The following CNTNAP2 variants were observed in gnomAD, a reference collection of about 807,000 sequenced individuals.
CNTNAP2 encodes contactin-associated protein-like 2.
Under a neutral mutation model 155.2 loss-of-function variants are expected in CNTNAP2, and 98 were observed. The ratio of observed to expected loss-of-function variants is 0.63; its 90% CI spans 0.54 to 0.75. CNTNAP2 has a LOEUF of 0.75. Among genes scored for constraint, CNTNAP2 ranks in the 30% least tolerant of loss-of-function variants. CNTNAP2 has a pLI of 0.00. For missense variants in CNTNAP2, 1,727 were observed against 1,688.1 expected (o/e 1.02, Z -0.40); for synonymous variants, 651 against 631.2 (o/e 1.03, Z -0.47).
chr7:147,802,213 C>A (rs553412164), intron 13 of CNTNAP2, among the ~76,000 whole-genome samples: 5 of 129,380 alleles, frequency 3.9e-5, no homozygotes, highest in African/African-American at 6.2e-5. Context: ...ACATCTCAGA[C>A]GATGGGCGGC....
intron 8 of CNTNAP2, among the ~76,000 whole-genome samples, chr7:147,251,956 G>A (rs1232226724): frequency 6.6e-6 from 1 of 151,942 alleles, no homozygotes; most frequent in African/African-American, 2.4e-5. Flanking sequence ...TATGAGTTTG[G>A]GGATTAATAA....
intron 13 of CNTNAP2, among the ~76,000 whole-genome samples, chr7:147,871,930 C>T (rs1013237914): frequency 1.5e-4 from 23 of 152,148 alleles, no homozygotes; most frequent in Non-Finnish European, 2.5e-4. Flanking sequence ...GCCACTACCT[C>T]GACATGCTCC....
intron 13 of CNTNAP2, among the ~76,000 whole-genome samples, chr7:147,832,606 T>C (rs1164652345): frequency 6.8e-6 from 1 of 146,106 alleles, no homozygotes; most frequent in Non-Finnish European, 1.5e-5. Flanking sequence ...TACGTTTCAA[T>C]ATATTATATT....
At chr7:148,085,805 G>A (rs544866234) in intron 15 of CNTNAP2, among the ~76,000 whole-genome samples, 5 of 151,618 alleles carry the variant, frequency 3.3e-5, no homozygotes, top group Non-Finnish European at 5.9e-5. Context: ...CTTCAGCCTC[G>A]AACTCCTGGG....
intron 3 of CNTNAP2, among the ~76,000 whole-genome samples, chr7:146,900,334 C>T (rs1585145961): frequency 6.6e-6 from 1 of 152,160 alleles, no homozygotes; most frequent in Non-Finnish European, 1.5e-5. Flanking sequence ...TACGATCCAA[C>T]TCAAATTACT....
At chr7:148,064,242 A>T (rs1231621177) in intron 15 of CNTNAP2, among the ~76,000 whole-genome samples, 1 of 151,356 alleles carries the variant, frequency 6.6e-6, no homozygotes, top group African/African-American at 2.4e-5. Flanking sequence ...TGAATTTAGG[A>T]TTTTTTTTCT....
intron 17 of CNTNAP2, among the ~76,000 whole-genome samples, chr7:148,158,876 G>C (rs1463509033): frequency 6.6e-6 from 1 of 152,260 alleles, no homozygotes; most frequent in Middle Eastern, 3.4e-3. Context: ...GATAAGGACT[G>C]AACTAAACTT....
chr7:148,145,040 G>A (rs1805149708), intron 16 of CNTNAP2, among the ~76,000 whole-genome samples: 1 of 152,118 alleles, frequency 6.6e-6, no homozygotes, highest in Non-Finnish European at 1.5e-5. Flanking sequence ...ACATTGAGTG[G>A]CTGAGAAAAA....
intron 1 of CNTNAP2, among the ~76,000 whole-genome samples, chr7:146,682,689 G>A (rs779953046): frequency 6.6e-6 from 1 of 152,142 alleles, no homozygotes; most frequent in Non-Finnish European, 1.5e-5. Flanking sequence ...AGTTGTACTA[G>A]TAACTAAAAT....
At chr7:148,390,344 A>G (rs992575962) in intron 22 of CNTNAP2, among the ~76,000 whole-genome samples, 2 of 152,208 alleles carry the variant, frequency 1.3e-5, no homozygotes, top group African/African-American at 4.8e-5. Context: ...CGGTGGCTCC[A>G]GTGAAAGCAC....
At chr7:147,854,710 T>C (rs548315819) in intron 13 of CNTNAP2, among the ~76,000 whole-genome samples, 1 of 152,340 alleles carries the variant, frequency 6.6e-6, no homozygotes, top group African/African-American at 2.4e-5. Flanking sequence ...CATTGTGTTT[T>C]AATTAATTTA....
chr7:147,832,035 G>A (rs1265691581), intron 13 of CNTNAP2, among the ~76,000 whole-genome samples: 2 of 150,880 alleles, frequency 1.3e-5, no homozygotes, highest in East Asian at 3.9e-4. Flanking sequence ...CATTTTTTAA[G>A]GAAATATTAC....
chr7:146,824,861 T>C lies in CNTNAP2; in HGVS notation c.209-14850T>C, dbSNP rs552718843. Among the ~76,000 whole-genome samples, 6 of 19,280 alleles carry C rather than the reference T, an allele frequency of 3.1e-4. No homozygotes were observed. In the East Asian group the frequency reaches 9.6e-3, roughly 31 times the overall value. The allele number at this position is 19,280 out of a possible 152,430, so 12.6% of individuals were successfully genotyped here. A position where few individuals can be genotyped will look rare whatever the true frequency, so the allele number is the denominator to read the frequency against. ...TAAGGTGTACAAAGAATTTTGGACC[T>C]GTTTTTTTTTTTTTTATTTGATTTT... On this transcript the variant is annotated intron_variant, in intron 2 of 23. Transcript: ENST00000361727.
chr7:147,606,941 T>A lies in CNTNAP2; in HGVS notation c.1898-32165T>A, dbSNP rs1056171929. 6.6e-5 allele frequency among the ~76,000 whole-genome samples: 10 copies of A among 152,052 alleles called. No individual in the cohort carries two copies. In the South Asian group the frequency reaches 1.9e-3, roughly 28 times the overall value. On this transcript the variant is annotated intron_variant, in intron 12 of 23. Transcript: ENST00000361727. ...TAAGCCTCACAGAGAATTTTTTTTT[T>A]AATGAGTGAAATCACCAAATGCATT...
chr7:146,783,151 T>C (rs373291237), intron 2 of CNTNAP2, among the ~76,000 whole-genome samples: 1 of 152,192 alleles, frequency 6.6e-6, no homozygotes, highest in African/African-American at 2.4e-5. Context: ...GTTGTTTTGT[T>C]CTTATTATCT....
At chr7:147,665,654 G>A (rs1382093140) in intron 13 of CNTNAP2, among the ~76,000 whole-genome samples, 1 of 152,040 alleles carries the variant, frequency 6.6e-6, no homozygotes, top group African/African-American at 2.4e-5. Flanking sequence ...GCCCCAGTGT[G>A]TGTTTCCCTC....
intron 14 of CNTNAP2, among the ~76,000 whole-genome samples, chr7:147,926,648 C>G (rs1181496383): frequency 1.3e-5 from 2 of 152,102 alleles, no homozygotes; most frequent in Non-Finnish European, 2.9e-5. Flanking sequence ...TTCATGAAGT[C>G]TCGTTATATA....
At chr7:146,334,513 C>T (rs909355311) in intron 1 of CNTNAP2, among the ~76,000 whole-genome samples, 19 of 151,484 alleles carry the variant, frequency 1.3e-4, no homozygotes, top group African/African-American at 4.6e-4. Flanking sequence ...AAATCTGTCA[C>T]TAGCTAGTTC....
intron 1 of CNTNAP2, among the ~76,000 whole-genome samples, chr7:146,326,181 C>T (rs141507570): frequency 1.4e-4 from 22 of 152,302 alleles, no homozygotes; most frequent in African/African-American, 5.3e-4. Flanking sequence ...CACGCATACA[C>T]ATACACATGC....
Sources: gnomAD v4.1 joint callset for allele counts (sites outside exome capture counted in the v4.1 genomes callset) on GRCh38, gnomAD v4.1.1 for gene constraint, MANE v1.5 for transcripts, NCBI Gene and HGNC (gene_info 2026-07-23, HGNC 2026-07-21) for gene names.